Variants in CCDC73 observed in about 807,000 individuals in gnomAD.
CCDC73 encodes the protein coiled-coil domain-containing protein 73.
Under a neutral mutation model 116.5 loss-of-function variants are expected in CCDC73, and 95 were observed. The ratio of observed to expected loss-of-function variants is 0.82; its 90% CI spans 0.69 to 0.97. The LOEUF is 0.97. Among genes scored for constraint, CCDC73 ranks in the 50% least tolerant of loss-of-function variants. CCDC73 has a pLI of 0.00. For synonymous variants in CCDC73, 398 were observed against 401.3 expected, an observed-to-expected ratio of 0.99 and a Z score of 0.10; for missense variants, 1,066 against 1,206.8, an observed-to-expected ratio of 0.88 and a Z score of 1.73.
intron 2 of CCDC73, among the ~76,000 whole-genome samples, chr11:32,719,609 T>C (rs1490087086): frequency 6.6e-6 from 1 of 152,120 alleles, no homozygotes; most frequent in Non-Finnish European, 1.5e-5. Flanking sequence ...TGTAGCCCAT[T>C]ATATGGGGGA....
intron 12 of CCDC73, among the ~76,000 whole-genome samples, chr11:32,644,438 TAACA>T (rs146938265): frequency 0.047 from 7,201 of 152,248 alleles, 192 homozygotes; most frequent in African/African-American, 0.062. Flanking sequence ...TTTACCTATG[TAACA>T]AACCTGCACA....
chr11:32,719,776 A>C (rs1590611783), intron 2 of CCDC73, among the ~76,000 whole-genome samples: 2 of 152,276 alleles, frequency 1.3e-5, no homozygotes, highest in African/African-American at 2.4e-5. Context: ...CTACAAAAAA[A>C]CTTTACACTC....
At chr11:32,797,972 A>G (rs929710283), upstream of CCDC73, among the ~76,000 whole-genome samples, 4 of 152,262 alleles carry the variant, frequency 2.6e-5, no homozygotes, top group Non-Finnish European at 2.9e-5. Flanking sequence ...TGGACTTCAC[A>G]TGACAGACTG....
At chr11:32,671,734 A>G (rs1856041097) in intron 9 of CCDC73, among the ~76,000 whole-genome samples, 1 of 152,222 alleles carries the variant, frequency 6.6e-6, no homozygotes, top group African/African-American at 2.4e-5. Context: ...TTGAAGTCGC[A>G]AAGGTAATTA....
At chr11:32,625,031 TA>T (rs1330893873) in intron 14 of CCDC73, among the ~76,000 whole-genome samples, 5 of 152,240 alleles carry the variant, frequency 3.3e-5, no homozygotes, top group Non-Finnish European at 7.3e-5. Flanking sequence ...TACCATTATG[TA>T]ATGGCCTTCT....
At chr11:32,759,092 T>A (rs1168296191) in intron 2 of CCDC73, among the ~76,000 whole-genome samples, 3 of 152,004 alleles carry the variant, frequency 2.0e-5, no homozygotes, top group Non-Finnish European at 1.5e-5. Context: ...TAAATTCTAT[T>A]GATTCTTCTT....
chr11:32,747,642 A>T (rs548790687), intron 2 of CCDC73, among the ~76,000 whole-genome samples: 2 of 152,276 alleles, frequency 1.3e-5, no homozygotes, highest in African/African-American at 4.8e-5. Context: ...CCACCTACTC[A>T]AGCCTCAGCA....
At chr11:32,613,349 T>C (rs1855439415) in intron 16 of CCDC73, 73 bp downstream of exon 16, 2 of 1,249,992 alleles carry the variant, frequency 1.6e-6, no homozygotes, top group African/African-American at 1.5e-5. Context: ...ATTTACAAAA[T>C]ATGACTGTAC....
chr11:32,783,409 A>G (rs1509890), intron 1 of CCDC73, among the ~76,000 whole-genome samples: 87,432 of 151,982 alleles, frequency 0.58, 25,466 homozygotes, highest in East Asian at 0.84. Flanking sequence ...AGAGAAAGGC[A>G]TGGGATCCAG....
At chr11:32,652,782 G>A (rs1855837839) in intron 12 of CCDC73, among the ~76,000 whole-genome samples, 2 of 151,996 alleles carry the variant, frequency 1.3e-5, no homozygotes, top group Non-Finnish European at 2.9e-5. Context: ...AAACTGAGTT[G>A]ACACTTTCAC....
At position 32,699,404 on chromosome 11, in the gene CCDC73, C is replaced by A. The variant is rs574241883; in HGVS notation, c.316-79G>T. Reference sequence around the variant, plus strand: ...GGGTAAAATATAAGAGCTCAAGAACCCTTTAAGTAAAAAACTGTATTTCAA... The same window carrying A: ...GGGTAAAATATAAGAGCTCAAGAACACTTTAAGTAAAAAACTGTATTTCAA... On this transcript the variant is annotated intron_variant, in intron 5 of 17. Coordinates refer to ENST00000335185, the MANE Select transcript of CCDC73 (RefSeq NM_001008391.4). 164 of 1,317,110 alleles carry A rather than the reference C, an allele frequency of 1.2e-4. No homozygotes were observed. The South Asian group carries it at 2.4e-3, about 19-fold the overall frequency. 81.6% of individuals were successfully genotyped at this position (1,317,110 alleles called of 1,614,324 possible). A position where few individuals can be genotyped will look rare whatever the true frequency, so the allele number is the denominator to read the frequency against.
intron 6 of CCDC73, 29 bp from the exon 7 acceptor site, chr11:32,683,603 TAA>T: frequency 7.9e-7 from 1 of 1,273,878 alleles, no homozygotes; most frequent in Non-Finnish European, 1.1e-6. Flanking sequence ...AAAATCTCAT[TAA>T]AATACTTTAA....
intron 1 of CCDC73, among the ~76,000 whole-genome samples, chr11:32,774,684 A>C (rs1850518677): frequency 6.6e-6 from 1 of 152,178 alleles, no homozygotes; most frequent in African/African-American, 2.4e-5. Flanking sequence ...AAAACATTGA[A>C]TCTATGGCTG....
Position 32,649,471 on chromosome 11 carries a change from ACAGATGACAG to A in CCDC73, c.939+3642_939+3651del, listed in dbSNP as rs1805716670. Among the ~76,000 whole-genome samples the A allele has an allele frequency of 2.0e-5, 3 of 152,304 alleles. No individual in the cohort carries two copies. In the South Asian group the frequency reaches 6.2e-4, roughly 32 times the overall value. On this transcript the variant is annotated intron_variant, in intron 12 of 17. Coordinates refer to ENST00000335185, the MANE Select transcript of CCDC73 (RefSeq NM_001008391.4). ...TAAATTTTACTACTAGAAAAGTAAG[ACAGATGACAG>A]CATGATTGCAGAGCACTGAAAAACA...
At chr11:32,623,507 T>C (rs745749175) in intron 14 of CCDC73, among the ~76,000 whole-genome samples, 9 of 152,116 alleles carry the variant, frequency 5.9e-5, no homozygotes, top group Non-Finnish European at 1.2e-4. Flanking sequence ...TGCACCGCCA[T>C]GCCCCGCTAA....
the CCDC73 span, among the ~76,000 whole-genome samples, chr11:32,806,129 C>G: frequency 6.6e-6 from 1 of 152,120 alleles, no homozygotes; most frequent in Non-Finnish European, 1.5e-5. Context: ...CTCACATTGC[C>G]CTATGTGAAC....
chr11:32,821,547 T>TA, the CCDC73 span, among the ~76,000 whole-genome samples: 1 of 152,292 alleles, frequency 6.6e-6, no homozygotes, highest in South Asian at 2.1e-4. Context: ...ATTTTCTTTT[T>TA]AAAAAAGAAA....
At chr11:32,798,454 C>T (rs1345045195), upstream of CCDC73, among the ~76,000 whole-genome samples, 1 of 152,158 alleles carries the variant, frequency 6.6e-6, no homozygotes, top group Non-Finnish European at 1.5e-5. Flanking sequence ...ACCACAGGCG[C>T]ACGCCACCAT....
intron 1 of CCDC73, among the ~76,000 whole-genome samples, chr11:32,785,558 T>C (rs898949788): frequency 1.3e-5 from 2 of 152,108 alleles, no homozygotes; most frequent in East Asian, 3.9e-4. Flanking sequence ...TGTGTCACCA[T>C]ACCCAGTGAA....
Sources: gnomAD v4.1 joint callset for allele counts (sites outside exome capture counted in the v4.1 genomes callset) on GRCh38, gnomAD v4.1.1 for gene constraint, MANE v1.5 for transcripts, NCBI Gene and HGNC (gene_info 2026-07-23, HGNC 2026-07-21) for gene names.